The following ZNF805 variants were observed in gnomAD, a reference collection of about 807,000 sequenced individuals.
ZNF805 encodes the protein zinc finger protein 805.
In ZNF805, 7 loss-of-function variants were observed where a neutral mutation model predicts 13.6. The ratio of observed to expected loss-of-function variants is 0.51; its 90% CI spans 0.29 to 0.97. ZNF805 has a LOEUF of 0.97. Ranked by LOEUF, ZNF805 falls within the 50% of genes least tolerant of loss-of-function variation. ZNF805 has a pLI of 0.08. For synonymous variants in ZNF805, 293 were observed against 279.8 expected, an observed-to-expected ratio of 1.05 and a Z score of -0.47; for missense variants, 604 against 771.0, an observed-to-expected ratio of 0.78 and a Z score of 2.57.
In ZNF805 at chr19:57,261,667, T is replaced by C. The variant is rs1199132756; in HGVS notation, c.*6964T>C. ...GCGTACCTTGACCTCGAAGAGAATC[T>C]ACATGGACTTTTATGGACCTACGTA... On this transcript the variant is annotated 3_prime_UTR_variant, in exon 4 of 4. Coordinates refer to ENST00000414468, the MANE Select transcript of ZNF805 (RefSeq NM_001023563.4). The C allele has an allele frequency of 6.0e-6, 1 of 167,056 alleles. No individual in the cohort carries two copies. Among genetic ancestry groups the C allele is most frequent in the East Asian group, 1.9e-4 (1 of 5,204 alleles). The allele number at this position is 167,056 out of a possible 1,614,324, so 10.3% of individuals were successfully genotyped here.
In ZNF805 at chr19:57,243,933, C is replaced by T. The variant is rs752587221; in HGVS notation, c.41C>T (p.Thr14Ile). Residue 14 changes from threonine to isoleucine, a missense_variant, in exon 2 of 4, where the codon ACC (threonine) becomes ATC (isoleucine). Coordinates refer to ENST00000414468, the MANE Select transcript of ZNF805 (RefSeq NM_001023563.4). Reference sequence around the variant, plus strand: ...TATTTGACATTTCAGGTGTCTGTGACCTTTGATGATGTGGCTGTGACTTTC... The same window carrying T: ...TATTTGACATTTCAGGTGTCTGTGATCTTTGATGATGTGGCTGTGACTTTC... ...ALTDPAQVSV[T>I]FDDVAVTFTQ... 4 of 1,614,140 alleles carry T rather than the reference C, an allele frequency of 2.5e-6. No homozygotes were observed. Among genetic ancestry groups the T allele is most frequent in the East Asian group, 2.2e-5 (1 of 44,860 alleles).
chr19:57,253,973 C>T lies in ZNF805; in HGVS notation c.1154C>T (p.Ala385Val), dbSNP rs1391538596. 8.7e-6 allele frequency: 14 copies of T among 1,612,596 alleles called. No homozygotes were observed. Among genetic ancestry groups the T allele is most frequent in the Non-Finnish European group, 1.1e-5 (13 of 1,179,700 alleles). The change falls in exon 4 of 4, where the codon GCG becomes GTG. Residue 385 changes from alanine to valine, a missense_variant. Ala to Val is a moderately conservative substitution (Grantham distance 64). This residue lies in a region of ZNF805 where 228 missense variants were observed against 352.8 expected (regional missense o/e 0.65). Coordinates refer to ENST00000414468, the MANE Select transcript of ZNF805 (RefSeq NM_001023563.4). The surrounding 1 kb of genome is among the most constrained non-coding windows in gnomAD (Gnocchi z 4.4). Reference protein sequence around the residue: ...ECGKAFCESAALIHHYVIHTG... With the variant: ...ECGKAFCESAVLIHHYVIHTG... ...GGGAAGGCCTTCTGTGAGAGCGCAGCGCTGATTCACCACTATGTCATCCAC... is the reference window on the plus strand; with the variant it reads ...GGGAAGGCCTTCTGTGAGAGCGCAGTGCTGATTCACCACTATGTCATCCAC...
chr19:57,259,286 G>A lies in ZNF805; in HGVS notation c.*4583G>A, dbSNP rs566435370. Among the ~76,000 whole-genome samples, 2 of 152,090 alleles carry A rather than the reference G, an allele frequency of 1.3e-5. No individual in the cohort carries two copies. The highest frequency in any genetic ancestry group is 2.1e-4 in the South Asian group (1 of 4,806). ...TCCTCTCTGTGATATGAATGGTAGA[G>A]CTTTTGTTACTGTCTCAGAGGTCTC... On this transcript the variant is annotated 3_prime_UTR_variant, in exon 4 of 4. Coordinates refer to ENST00000414468, the MANE Select transcript of ZNF805 (RefSeq NM_001023563.4).
intron 3 of ZNF805, among the ~76,000 whole-genome samples, chr19:57,252,731 T>C (rs1157706176): frequency 6.6e-6 from 1 of 152,198 alleles, no homozygotes; most frequent in East Asian, 1.9e-4. Context: ...GGTTGGTCTT[T>C]CTGGTGCCAC....
At chr19:57,247,076 G>C (rs906301137) in intron 2 of ZNF805, among the ~76,000 whole-genome samples, 1 of 150,334 alleles carries the variant, frequency 6.7e-6, no homozygotes, top group Non-Finnish European at 1.5e-5. Context: ...TTGTCTCCCA[G>C]ACTGGAGTGC....
Position 57,257,466 on chromosome 19 carries a change from G to C in ZNF805, c.*2763G>C, listed in dbSNP as rs1307141420. 6.6e-6 allele frequency among the ~76,000 whole-genome samples: 1 copy of C among 152,068 alleles called. No homozygotes were observed. The highest frequency in any genetic ancestry group is 1.9e-4 in the East Asian group (1 of 5,202). The stretch of plus-strand genomic sequence containing the variant: ...GTATATACACATGTAGGTTTGCTTA[G>C]TATTCTTGGTGTATTGACCCTTTTA... On this transcript the variant is annotated 3_prime_UTR_variant, in exon 4 of 4. Coordinates refer to ENST00000414468, the MANE Select transcript of ZNF805 (RefSeq NM_001023563.4).
chr19:57,248,999 G>A (rs1482527249), intron 3 of ZNF805, among the ~76,000 whole-genome samples: 1 of 152,116 alleles, frequency 6.6e-6, no homozygotes, highest in Non-Finnish European at 1.5e-5. Flanking sequence ...ATATGAGTTT[G>A]GCTAAGTTAA....
intron 2 of ZNF805, among the ~76,000 whole-genome samples, chr19:57,245,640 G>T (rs534899265): frequency 1.3e-5 from 2 of 149,770 alleles, no homozygotes; most frequent in East Asian, 2.0e-4. Context: ...TTAGCCGGGC[G>T]TGGTGGCGGG....
rs2087668680 is a variant in ZNF805 at position 57,253,893 on chromosome 19, C to T, written c.1074C>T (p.Leu358=). The T allele has an allele frequency of 5.0e-6, 8 of 1,614,056 alleles. No individual in the cohort carries two copies. The highest frequency in any genetic ancestry group is 6.8e-6 in the Non-Finnish European group (8 of 1,180,050). ...AGGTCTTCAAACACAGATCATACCT[C>T]ATGTGGCACCAGCAGACTCATACCG... is the stretch of plus-strand genomic sequence containing the variant. The part of the protein sequence containing the change: ...CGKVFKHRSY[L]MWHQQTHTGE... The change falls in exon 4 of 4, where the codon CTC becomes CTT. Residue 358 remains leucine (L), a synonymous_variant. Coordinates refer to ENST00000414468, the MANE Select transcript of ZNF805 (RefSeq NM_001023563.4). This position sits in a 1 kb window ranked among gnomAD's most constrained non-coding sequence, Gnocchi z 4.4.
intron 2 of ZNF805, among the ~76,000 whole-genome samples, chr19:57,245,574 TA>T (rs1568487939): frequency 6.7e-6 from 1 of 149,626 alleles, no homozygotes; most frequent in Non-Finnish European, 1.5e-5. Flanking sequence ...GGTCAGGAGA[TA>T]GAGACCATCC....
At chr19:57,242,489 A>G (rs558402089) in intron 1 of ZNF805, among the ~76,000 whole-genome samples, 3 of 152,348 alleles carry the variant, frequency 2.0e-5, no homozygotes, top group South Asian at 2.1e-4. Context: ...CCTTCAGCCT[A>G]TAGGGCATTT....
chr19:57,253,872 C>G lies in ZNF805; in HGVS notation c.1053C>G (p.Val351=). The part of the protein sequence containing the change: ...NPYECFECGK[V]FKHRSYLMWH... ...ACGAGTGCTTCGAATGTGGCAAGGT[C>G]TTCAAACACAGATCATACCTCATGT... The change falls in exon 4 of 4, where the codon GTC becomes GTG. Residue 351 remains valine, a synonymous_variant. Coordinates refer to ENST00000414468, the MANE Select transcript of ZNF805 (RefSeq NM_001023563.4). This position sits in a 1 kb window ranked among gnomAD's most constrained non-coding sequence, Gnocchi z 4.4. The G allele has an allele frequency of 6.2e-7, 1 of 1,614,138 alleles. No individual in the cohort carries two copies. The highest frequency in any genetic ancestry group is 8.5e-7 in the Non-Finnish European group (1 of 1,180,032).
rs2087729292 is a variant in ZNF805 at position 57,262,327 on chromosome 19, T to TA, written c.*7625dup. 1 of 164,816 alleles carries TA rather than the reference T, an allele frequency of 6.1e-6. No homozygotes were observed. The highest frequency in any genetic ancestry group is 2.5e-5 in the African/African-American group (1 of 40,808). 10.2% of individuals were successfully genotyped at this position (164,816 alleles called of 1,614,324 possible). A position where few individuals can be genotyped will look rare whatever the true frequency, so the allele number is the denominator to read the frequency against. ...CATAGCTTTGAGATGAAGGCTTATA[T>TA]ACGTGTAAACCATTGTAACCAAGAA... On this transcript the variant is annotated 3_prime_UTR_variant, in exon 4 of 4. Transcript: ENST00000414468.
intron 3 of ZNF805, among the ~76,000 whole-genome samples, chr19:57,252,564 C>G (rs971253681): frequency 6.6e-6 from 1 of 152,194 alleles, no homozygotes; most frequent in Non-Finnish European, 1.5e-5. Context: ...CCAGGAAACT[C>G]ACTGGAGCTC....
At chr19:57,251,715 T>G (rs1454739353) in intron 3 of ZNF805, among the ~76,000 whole-genome samples, 1 of 152,242 alleles carries the variant, frequency 6.6e-6, no homozygotes, top group Admixed American at 6.5e-5. Context: ...GTATTCTTGT[T>G]TATTTTATTG....
intron 2 of ZNF805, among the ~76,000 whole-genome samples, chr19:57,245,677 G>C (rs1394410316): frequency 6.6e-6 from 1 of 151,402 alleles, no homozygotes; most frequent in Non-Finnish European, 1.5e-5. Flanking sequence ...TACTCGGGAG[G>C]CTGAGGCAGG....
intron 1 of ZNF805, 98 bp from the exon 2 acceptor site, chr19:57,243,825 C>A: frequency 6.5e-7 from 1 of 1,548,162 alleles, no homozygotes; most frequent in Non-Finnish European, 8.8e-7. Flanking sequence ...CCTCAGGAGG[C>A]CCTCAGTGAC....
Position 57,254,327 on chromosome 19 carries a change from G to A in ZNF805, c.1508G>A (p.Arg503Gln), listed in dbSNP as rs769961036. The change falls in exon 4 of 4, where the codon CGG becomes CAG. Residue 503 changes from arginine to glutamine, a missense_variant. Physicochemically the swap from Arg to Gln is conservative, Grantham distance 43. Transcript: ENST00000414468. The part of the protein sequence containing the change: ...NRRSGLTRHQ[R>Q]IHSGEKPYEC... ...AGGTCAGGCCTCACAAGGCACCAGC[G>A]GATTCATAGTGGAGAGAAGCCCTAT... 40 of 1,613,830 alleles carry A rather than the reference G, an allele frequency of 2.5e-5. No individual in the cohort carries two copies. The highest frequency in any genetic ancestry group is 1.6e-4 in the Middle Eastern group (1 of 6,082).
rs549556651 is a variant in ZNF805, at chr19:57,245,603, C to T, written c.157+1554C>T. Among the ~76,000 whole-genome samples the T allele has an allele frequency of 2.1e-3, 310 of 148,534 alleles. 1 individual carries two copies. The highest frequency in any genetic ancestry group is 7.3e-3 in the African/African-American group (291 of 40,102). On this transcript the variant is annotated intron_variant, in intron 2 of 3. Coordinates refer to ENST00000414468, the MANE Select transcript of ZNF805 (RefSeq NM_001023563.4). Reference sequence around the variant, plus strand: ...GACCATCCTGGCTAACACGGTGCAACCCTGTCTCTACTAAAAATACAAAAA... The same window carrying T: ...GACCATCCTGGCTAACACGGTGCAATCCTGTCTCTACTAAAAATACAAAAA...
Sources: gnomAD v4.1 joint callset for allele counts (sites outside exome capture counted in the v4.1 genomes callset) on GRCh38, gnomAD v4.1.1 for gene constraint, gnomAD v4.1.1 regional missense constraint, Gnocchi (gnomAD v3.1) non-coding constraint, MANE v1.5 for transcripts, NCBI Gene and HGNC (gene_info 2026-07-23, HGNC 2026-07-21) for gene names.